Variants in BROX observed in about 807,000 individuals in gnomAD.
The protein encoded by BROX is BRO1 domain-containing protein BROX.
In BROX, 53 loss-of-function variants were observed where a neutral mutation model predicts 61.0. That is an observed-to-expected ratio of 0.87 (90% CI 0.70 to 1.09). The LOEUF (loss-of-function observed/expected upper bound fraction) is 1.09, where lower values mean the gene tolerates loss of function less well. Ranked by LOEUF, BROX falls within the 50% of genes least tolerant of loss-of-function variation. The pLI, the probability that BROX is intolerant of heterozygous loss-of-function variation, is 0.00. For synonymous variants in BROX, 152 were observed against 160.2 expected, an observed-to-expected ratio of 0.95 and a Z score of 0.38; for missense variants, 489 against 472.0, an observed-to-expected ratio of 1.04 and a Z score of -0.33.
chr1:222,712,860 C>G lies in BROX; in HGVS notation c.-99C>G. On this transcript the variant is annotated 5_prime_UTR_variant, in exon 1 of 13. Coordinates refer to ENST00000340934, the MANE Select transcript of BROX (RefSeq NM_144695.4). ...TGGTTCTGTAGTCTCGGTTCTCCGA[C>G]TCCCTCTTTTTCTCGCTTGTGGACT... The G allele has an allele frequency of 7.8e-7, 1 of 1,273,892 alleles. No individual in the cohort carries two copies. Among genetic ancestry groups the G allele is most frequent in the South Asian group, 1.3e-5 (1 of 79,544 alleles). 78.9% of individuals were successfully genotyped at this position (1,273,892 alleles called of 1,614,324 possible).
chr1:222,725,484 A>G lies in BROX; in HGVS notation c.509A>G (p.Glu170Gly), dbSNP rs764405707. The G allele has an allele frequency of 6.2e-7, 1 of 1,611,928 alleles. No homozygotes were observed. The highest frequency in any genetic ancestry group is 8.5e-7 in the Non-Finnish European group (1 of 1,179,012). ...SHLPKLITPA[E>G]KGRDLESRLI... is the part of the protein sequence containing the mutation. ...CTCCCAAAACTCATTACACCTGCGG[A>G]AAAAGGAAGAGATTTAGAGTCACGA... The change falls in exon 7 of 13, where the codon GAA becomes GGA. Residue 170 changes from glutamate (E) to glycine (G), a missense_variant. Physicochemically the swap from Glu to Gly is moderately conservative, Grantham distance 98 (BLOSUM62 -2). Transcript: ENST00000340934.
Position 222,725,555 on chromosome 1 carries a change from G to A in BROX, c.580G>A (p.Val194Ile). ...VIQCQAEAQE[V>I]TIARAIELKH... ...TCAATGTCAGGCTGAAGCTCAAGAA[G>A]GTATCCTAAATATTGTAAGATTTTT... is the stretch of plus-strand genomic sequence containing the variant. The change falls in exon 7 of 13, where the codon GTA (valine) becomes ATA (isoleucine). Residue 194 changes from valine (V) to isoleucine (I), a missense_variant and splice_region_variant. By Grantham distance (29) the Val-to-Ile change is conservative (BLOSUM62 3). Coordinates refer to ENST00000340934, the MANE Select transcript of BROX (RefSeq NM_144695.4). The A allele has an allele frequency of 6.3e-7, 1 of 1,589,300 alleles. No homozygotes were observed. The highest frequency in any genetic ancestry group is 1.4e-5 in the African/African-American group (1 of 73,814).
Position 222,734,769 on chromosome 1 carries a change from T to G in BROX, c.*2055T>G, listed in dbSNP as rs774885595. ...GGCTGTGGGACCTGTTTCTTTTAGG[T>G]ACTTGTGCTTATTAATCTACTTACT... On this transcript the variant is annotated 3_prime_UTR_variant, in exon 13 of 13. Transcript: ENST00000340934. 2 of 152,212 alleles carry G rather than the reference T, an allele frequency of 1.3e-5. No individual in the cohort carries two copies. The highest frequency in any genetic ancestry group is 2.9e-5 in the Non-Finnish European group (2 of 68,036). The allele number at this position is 152,212 out of a possible 1,614,324, so 9.4% of individuals were successfully genotyped here.
intron 1 of BROX, chr1:222,713,899 T>C (rs564282357): frequency 6.6e-6 from 1 of 152,318 alleles, no homozygotes; most frequent in African/African-American, 2.4e-5. Context: ...CAGTTTTTCG[T>C]TGGGTACACA....
intron 6 of BROX, among the ~76,000 whole-genome samples, 156 bp downstream of exon 6, chr1:222,724,320 G>A (rs1472968778): frequency 6.6e-6 from 1 of 152,162 alleles, no homozygotes; most frequent in African/African-American, 2.4e-5. Flanking sequence ...ATTGATGAGT[G>A]CAGCCAGTTA....
intron 8 of BROX, 61 bp downstream of exon 8, chr1:222,727,318 T>C: frequency 8.0e-7 from 1 of 1,244,280 alleles, no homozygotes; most frequent in African/African-American, 1.5e-5. Flanking sequence ...TATTTGATCT[T>C]GAATAGGGAA....
Position 222,732,917 on chromosome 1 carries a change from A to G in BROX, c.*203A>G. On this transcript the variant is annotated 3_prime_UTR_variant, in exon 13 of 13. Transcript: ENST00000340934. ...TGTTTTCAGACTCTCCTTTTTAATCAGGACAACATTTGAAAGATTTTATTG... is the reference window on the plus strand; with the variant it reads ...TGTTTTCAGACTCTCCTTTTTAATCGGGACAACATTTGAAAGATTTTATTG... 1.9e-6 allele frequency: 1 copy of G among 535,144 alleles called. No individual in the cohort carries two copies. Among genetic ancestry groups the G allele is most frequent in the Non-Finnish European group, 3.3e-6 (1 of 304,682 alleles). 33.1% of individuals were successfully genotyped at this position (535,144 alleles called of 1,614,324 possible).
In BROX at chr1:222,728,695, A is replaced by G. The variant is rs1397274084; in HGVS notation, c.671-48A>G. The G allele has an allele frequency of 3.2e-6, 4 of 1,257,702 alleles. No individual in the cohort carries two copies. In the South Asian group the frequency reaches 5.3e-5, roughly 17 times the overall value. The allele number at this position is 1,257,702 out of a possible 1,614,324, so 77.9% of individuals were successfully genotyped here. On this transcript the variant is annotated intron_variant, in intron 8 of 12. Transcript: ENST00000340934. ...AGAACACATGAACTAAAAGTCTTCT[A>G]GTGAATCAGGGCGAAATTATATTTT...
At position 222,722,519 on chromosome 1, in the gene BROX, G is replaced by A; in HGVS notation, c.401+5G>A. 1 of 1,570,880 alleles carries A rather than the reference G, an allele frequency of 6.4e-7. No individual in the cohort carries two copies. The highest frequency in any genetic ancestry group is 1.1e-5 in the South Asian group (1 of 90,114). On this transcript the variant is annotated splice_donor_5th_base_variant and intron_variant, in intron 5 of 12. Coordinates refer to ENST00000340934, the MANE Select transcript of BROX (RefSeq NM_144695.4). ...AAGACTGGCTGGAAAAGAAAAGTAAGTTAATAGGAGAGGATTGTGTACATC... is the reference window on the plus strand; with the variant it reads ...AAGACTGGCTGGAAAAGAAAAGTAAATTAATAGGAGAGGATTGTGTACATC...
intron 10 of BROX, 97 bp downstream of exon 10, chr1:222,729,798 TGAAAGG>T: frequency 7.9e-7 from 1 of 1,259,222 alleles, no homozygotes; most frequent in Non-Finnish European, 1.1e-6. Flanking sequence ...GCTGAGTTCA[TGAAAGG>T]GAAATGGGAA....
intron 6 of BROX, among the ~76,000 whole-genome samples, 182 bp from the exon 7 acceptor site, chr1:222,725,268 A>G (rs1157309679): frequency 6.6e-6 from 1 of 152,230 alleles, no homozygotes; most frequent in Non-Finnish European, 1.5e-5. Context: ...GAGTTTTAGT[A>G]TACAGGAACT....
rs145079555 is a variant in BROX, at chr1:222,716,851, A to C, written c.101+1051A>C. Among the ~76,000 whole-genome samples the C allele has an allele frequency of 3.3e-3, 500 of 152,370 alleles. 2 individuals are homozygous for C. Among genetic ancestry groups the C allele is most frequent in the African/African-American group, 0.011 (477 of 41,580 alleles). ...TTGTGCTAGTGATAGTGAGTAGAGC[A>C]GTTTGGCTGAAACAAAAGAGATAAA... On this transcript the variant is annotated intron_variant, in intron 2 of 12. Transcript: ENST00000340934.
At chr1:222,718,428 T>A (rs1656801568) in intron 2 of BROX, among the ~76,000 whole-genome samples, 1 of 152,196 alleles carries the variant, frequency 6.6e-6, no homozygotes, top group South Asian at 2.1e-4. Flanking sequence ...AATATTTTTA[T>A]GCAGTATATT....
At chr1:222,713,350 G>C in intron 1 of BROX, 2 of 985,776 alleles carry the variant, frequency 2.0e-6, no homozygotes, top group South Asian at 9.3e-5. Context: ...AACGGGACTG[G>C]GCACGGGAGG....
chr1:222,713,989 A>C (rs960806208), intron 1 of BROX: 1 of 152,228 alleles, frequency 6.6e-6, no homozygotes, highest in African/African-American at 2.4e-5. Context: ...GGAAGCACTT[A>C]ATGTAGGCAT....
chr1:222,730,974 G>A (rs183833436), intron 11 of BROX, among the ~76,000 whole-genome samples: 175 of 152,190 alleles, frequency 1.1e-3, no homozygotes, highest in Admixed American at 2.2e-3. Flanking sequence ...CACCTTCTGT[G>A]TAGGTGGGTA....
rs553424529 is a variant in BROX at position 222,718,989 on chromosome 1, A to G, written c.166A>G (p.Met56Val). 23 of 1,613,916 alleles carry G rather than the reference A, an allele frequency of 1.4e-5. No homozygotes were observed. Among genetic ancestry groups the G allele is most frequent in the East Asian group, 1.1e-4 (5 of 44,870 alleles). ...LFTDLSCNPE[M>V]MKNAADSYFS... ...CACTGATTTGAGCTGTAATCCAGAA[A>G]TGATGAAGAATGCAGCAGATTCATA... Residue 56 changes from methionine to valine, a missense_variant, in exon 3 of 13, where the codon ATG (methionine) becomes GTG (valine). Coordinates refer to ENST00000340934, the MANE Select transcript of BROX (RefSeq NM_144695.4).
rs753435099 is a variant in BROX at position 222,731,522 on chromosome 1, A to G, written c.1149+6A>G. ...AAAGACCCAAGGATGACAGTGTATG[A>G]GATTGTTTTTTTTTTTCCCTCTCAT... On this transcript the variant is annotated splice_donor_region_variant and intron_variant, in intron 12 of 12. Transcript: ENST00000340934. The G allele has an allele frequency of 1.9e-6, 3 of 1,573,202 alleles. No individual in the cohort carries two copies. In the Admixed American group the frequency reaches 6.6e-5, roughly 35 times the overall value.
In BROX at chr1:222,719,330, G is replaced by T. The variant is rs1437991762; in HGVS notation, c.276G>T (p.Trp92Cys). 5.0e-6 allele frequency: 8 copies of T among 1,609,884 alleles called. No homozygotes were observed. The African/African-American group carries it at 5.3e-5, about 11-fold the overall frequency. The change falls in exon 4 of 13, where the codon TGG (tryptophan) becomes TGT (cysteine). Residue 92 changes from tryptophan (W) to cysteine (C), a missense_variant. Coordinates refer to ENST00000340934, the MANE Select transcript of BROX (RefSeq NM_144695.4). ...TACGATATATTCAAAATTTCAAGTG[G>T]ACTGATACATTGCAAGGACAGGTTC... The part of the protein sequence containing the change: ...SKLRYIQNFK[W>C]TDTLQGQVPS...
Sources: gnomAD v4.1 joint callset for allele counts (sites outside exome capture counted in the v4.1 genomes callset) on GRCh38, gnomAD v4.1.1 for gene constraint, MANE v1.5 for transcripts, NCBI Gene and HGNC (gene_info 2026-07-23, HGNC 2026-07-21) for gene names.